SPDYE3: variants seen among roughly 807,000 people sequenced by gnomAD.
The protein encoded by SPDYE3 is speedy/RINGO cell cycle regulator family member E3, also known as speedy protein E3.
SPDYE3 carries 15 observed loss-of-function variants against 55.0 expected under a neutral mutation model. The observed-to-expected ratio is 0.27, with a 90% CI of 0.18 to 0.42. SPDYE3 has a LOEUF of 0.42. SPDYE3 is among the 10% of genes least tolerant of loss of function. The pLI is 1.00. For synonymous variants in SPDYE3, 89 were observed against 229.9 expected, an observed-to-expected ratio of 0.39 and a Z score of 5.55; for missense variants, 236 against 576.7, an observed-to-expected ratio of 0.41 and a Z score of 6.05.
At chr7:100,315,220 A>T (rs1405299428) in intron 6 of SPDYE3, among the ~76,000 whole-genome samples, 1 of 152,212 alleles carries the variant, frequency 6.6e-6, no homozygotes, top group African/African-American at 2.4e-5. Context: ...CAGAGGTTGC[A>T]GTGAGCCAAG....
intron 6 of SPDYE3, among the ~76,000 whole-genome samples, chr7:100,315,541 T>A (rs955607751): frequency 1.3e-5 from 2 of 152,102 alleles, no homozygotes; most frequent in African/African-American, 4.8e-5. Context: ...CCCGGCTGAT[T>A]CCCAGCTCTA....
chr7:100,312,621 TC>T (rs1426588627), intron 4 of SPDYE3, among the ~76,000 whole-genome samples: 1 of 137,108 alleles, frequency 7.3e-6, no homozygotes, highest in Non-Finnish European at 1.6e-5. Context: ...ACACCTGTAA[TC>T]CCAGCACTTT....
intron 4 of SPDYE3, among the ~76,000 whole-genome samples, chr7:100,312,880 CAA>C (rs71517116): frequency 1.6e-5 from 2 of 125,714 alleles, no homozygotes; most frequent in Non-Finnish European, 3.4e-5. Flanking sequence ...TGTCTCGAAA[CAA>C]AAAAAAAAAA....
chr7:100,312,372 C>T (rs56718598), intron 4 of SPDYE3, among the ~76,000 whole-genome samples: 53 of 148,822 alleles, frequency 3.6e-4, no homozygotes, highest in African/African-American at 1.3e-3. Context: ...TAGCTCATGC[C>T]TGTAGTTCCA....
chr7:100,320,682 G>A (rs2129982266), intron 10 of SPDYE3: 5 of 1,072,410 alleles, frequency 4.7e-6, no homozygotes, highest in Middle Eastern at 4.2e-4. Context: ...GACCTTGGGT[G>A]TATTAAGTTT....
Position 100,322,118 on chromosome 7 carries a change from G to C in SPDYE3, c.*1273G>C, listed in dbSNP as rs1183959302. ...GCAGACTTTTTATCTATGATACTTAGTTAATGTATATATTACATTTATAGC... is the reference window on the plus strand; with the variant it reads ...GCAGACTTTTTATCTATGATACTTACTTAATGTATATATTACATTTATAGC... On this transcript the variant is annotated 3_prime_UTR_variant, in exon 11 of 11. Transcript: ENST00000332397. 6.6e-6 allele frequency: 1 copy of C among 151,796 alleles called. No individual in the cohort carries two copies. The highest frequency in any genetic ancestry group is 2.4e-5 in the African/African-American group (1 of 41,332). The allele number at this position is 151,796 out of a possible 1,614,324, so 9.4% of individuals were successfully genotyped here.
At chr7:100,318,019 T>C (rs1385378718) in intron 8 of SPDYE3, among the ~76,000 whole-genome samples, 4 of 143,942 alleles carry the variant, frequency 2.8e-5, no homozygotes, top group African/African-American at 5.2e-5. Flanking sequence ...AAAGGAACCA[T>C]GAACCGCTCC....
In SPDYE3 at chr7:100,320,927, G is replaced by C; in HGVS notation, c.*82G>C. 2 of 1,233,302 alleles carry C rather than the reference G, an allele frequency of 1.6e-6. No individual in the cohort carries two copies. The highest frequency in any genetic ancestry group is 2.2e-6 in the Non-Finnish European group (2 of 914,640). The allele number at this position is 1,233,302 out of a possible 1,614,324, so 76.4% of individuals were successfully genotyped here. A position where few individuals can be genotyped will look rare whatever the true frequency, so the allele number is the denominator to read the frequency against. ...CAGGGGAGATGTGGATTTTCAGCAG[G>C]AACTTTATTCCAGTGCTAATGGCAG... On this transcript the variant is annotated 3_prime_UTR_variant, in exon 11 of 11. Transcript: ENST00000332397.
chr7:100,319,630 A>C lies in SPDYE3; in HGVS notation c.1412A>C (p.Tyr471Ser). The change falls in exon 9 of 11, where the codon TAC (tyrosine) becomes TCC (serine). Residue 471 changes from tyrosine to serine, a missense_variant. Transcript: ENST00000332397. ...APKQKIFYFL[Y>S]GKTHSHIPLR... ...AAACAAAAGATCTTCTACTTCCTGT[A>C]CGGGAAGACCCACTCTCACATACCC... 1 of 1,614,228 alleles carries C rather than the reference A, an allele frequency of 6.2e-7. No individual in the cohort carries two copies. Among genetic ancestry groups the C allele is most frequent in the Non-Finnish European group, 8.5e-7 (1 of 1,180,046 alleles).
In SPDYE3 at chr7:100,307,833, A is replaced by C. The variant is rs543394302; in HGVS notation, c.-53A>C. On this transcript the variant is annotated 5_prime_UTR_variant, in exon 1 of 11. Coordinates refer to ENST00000332397, the MANE Select transcript of SPDYE3 (RefSeq NM_001004351.5). ...CCCAGCAGTGTCCAGAAGAAGACCA[A>C]GGACAGAACAGAGACTAGCTTCGGT... 1 of 1,534,476 alleles carries C rather than the reference A, an allele frequency of 6.5e-7. No individual in the cohort carries two copies. Among genetic ancestry groups the C allele is most frequent in the East Asian group, 2.4e-5 (1 of 41,116 alleles).
chr7:100,318,495 A>G (rs1172155657), intron 8 of SPDYE3, among the ~76,000 whole-genome samples: 1 of 152,126 alleles, frequency 6.6e-6, no homozygotes, highest in Non-Finnish European at 1.5e-5. Flanking sequence ...TGGGTGTCCC[A>G]CACACATGTG....
intron 3 of SPDYE3, among the ~76,000 whole-genome samples, 193 bp from the exon 4 acceptor site, chr7:100,311,557 C>A (rs1805957583): frequency 7.3e-6 from 1 of 136,942 alleles, no homozygotes; most frequent in South Asian, 2.3e-4. Context: ...GTTCTGAGGA[C>A]AGAGAGAGGG....
At chr7:100,308,069 C>T (rs1407539648) in intron 1 of SPDYE3, 78 bp downstream of exon 1, 23 of 1,453,390 alleles carry the variant, frequency 1.6e-5, no homozygotes, top group South Asian at 2.5e-5. Flanking sequence ...GTAGCTCACC[C>T]CTGTAACACC....
At chr7:100,308,179 A>G (rs1805871713) in intron 1 of SPDYE3, among the ~76,000 whole-genome samples, 188 bp downstream of exon 1, 1 of 151,574 alleles carries the variant, frequency 6.6e-6, no homozygotes, top group African/African-American at 2.4e-5. Context: ...AAAGTACAAA[A>G]ATTAGCCAGG....
intron 10 of SPDYE3, 112 bp from the exon 11 acceptor site, chr7:100,320,779 T>C (rs930172473): frequency 3.9e-5 from 42 of 1,076,678 alleles, no homozygotes; most frequent in Non-Finnish European, 4.9e-5. Context: ...GGAGATAAAA[T>C]CGCACTTCTC....
chr7:100,307,863 T>A lies in SPDYE3; in HGVS notation c.-23T>A. On this transcript the variant is annotated 5_prime_UTR_variant, in exon 1 of 11. In the 5' UTR this introduces an upstream ATG that the reference lacks. Transcript: ENST00000332397. ...AGAACAGAGACTAGCTTCGGTGAGA[T>A]TGGACAGATTTTGGGAAAGATCATG... 1 of 1,562,870 alleles carries A rather than the reference T, an allele frequency of 6.4e-7. No homozygotes were observed. The highest frequency in any genetic ancestry group is 8.6e-7 in the Non-Finnish European group (1 of 1,162,504).
chr7:100,320,538 A>G (rs1789559042), intron 10 of SPDYE3: 11 of 956,928 alleles, frequency 1.1e-5, no homozygotes, highest in Non-Finnish European at 1.4e-5. Context: ...GATCTAGCAC[A>G]GTTACAAGTT....
At position 100,307,980 on chromosome 7, in the gene SPDYE3, C is replaced by T. The variant is rs892984440; in HGVS notation, c.95C>T (p.Ser32Leu). 1.3e-5 allele frequency: 20 copies of T among 1,556,050 alleles called. No homozygotes were observed. Among genetic ancestry groups the T allele is most frequent in the African/African-American group, 6.8e-5 (5 of 73,794 alleles). Reference protein sequence around the residue: ...PLQEVVDDEVSGPSAPGVDPS... With the variant: ...PLQEVVDDEVLGPSAPGVDPS... ...CAGGAGGTGGTGGATGATGAAGTGT[C>T]GGGACCATCAGGTGAGGGGACTGGA... The change falls in exon 1 of 11, where the codon TCG (serine) becomes TTG (leucine). Residue 32 changes from serine (S) to leucine (L), a missense_variant. Coordinates refer to ENST00000332397, the MANE Select transcript of SPDYE3 (RefSeq NM_001004351.5).
At chr7:100,309,652 A>C (rs905208689) in intron 2 of SPDYE3, among the ~76,000 whole-genome samples, 2 of 130,470 alleles carry the variant, frequency 1.5e-5, no homozygotes, top group Non-Finnish European at 3.4e-5. Flanking sequence ...GCCTGGGAGG[A>C]AGAGGGTGCA....
Sources: gnomAD v4.1 joint callset for allele counts (sites outside exome capture counted in the v4.1 genomes callset) on GRCh38, gnomAD v4.1.1 for gene constraint, MANE v1.5 for transcripts, NCBI Gene and HGNC (gene_info 2026-07-23, HGNC 2026-07-21) for gene names.